Variants in CFAP70 observed in about 807,000 individuals in gnomAD.
CFAP70 encodes the protein cilia and flagella associated protein 70, also known as cilia- and flagella-associated protein 70.
In CFAP70, 81 loss-of-function variants were observed where a neutral mutation model predicts 137.6. The observed-to-expected ratio is 0.59, with a 90% confidence interval of 0.49 to 0.71. The LOEUF is 0.71. Among genes scored for constraint, CFAP70 ranks in the 30% least tolerant of loss-of-function variants. The pLI, the probability that CFAP70 is intolerant of heterozygous loss-of-function variation, is 0.00. For missense variants in CFAP70, 976 were observed against 1,226.7 expected, an observed-to-expected ratio of 0.80 and a Z score of 3.05; for synonymous variants, 382 against 423.6, an observed-to-expected ratio of 0.90 and a Z score of 1.20.
At chr10:73,257,757 G>C (rs535443535) in intron 25 of CFAP70, among the ~76,000 whole-genome samples, 3 of 152,058 alleles carry the variant, frequency 2.0e-5, no homozygotes, top group African/African-American at 7.2e-5. Flanking sequence ...GGAGGCAGAG[G>C]CCCAAATGAT....
At chr10:73,321,984 A>G (rs2050898817) in intron 9 of CFAP70, among the ~76,000 whole-genome samples, 1 of 152,114 alleles carries the variant, frequency 6.6e-6, no homozygotes, top group Non-Finnish European at 1.5e-5. Flanking sequence ...GGTTTTTGCC[A>G]TGTTGGCCAG....
At chr10:73,274,648 C>T in intron 22 of CFAP70, 54 bp from the exon 24 acceptor site, 2 of 1,434,476 alleles carry the variant, frequency 1.4e-6, no homozygotes, top group Non-Finnish European at 9.4e-7. Context: ...TTAAAAGTAC[C>T]TTGATGATCT....
intron 24 of CFAP70, among the ~76,000 whole-genome samples, chr10:73,270,121 C>A (rs1248235299): frequency 6.6e-6 from 1 of 152,006 alleles, no homozygotes; most frequent in African/African-American, 2.4e-5. Context: ...AGTTTTTTTT[C>A]TTTACATTGT....
At chr10:73,308,395 G>A (rs570019494) in intron 12 of CFAP70, among the ~76,000 whole-genome samples, 17 of 152,174 alleles carry the variant, frequency 1.1e-4, no homozygotes, top group East Asian at 9.7e-4. Flanking sequence ...TTGGGAGGCC[G>A]AAGCGGGCAG....
chr10:73,347,479 A>G (rs2053810785), intron 4 of CFAP70, among the ~76,000 whole-genome samples: 1 of 152,220 alleles, frequency 6.6e-6, no homozygotes, highest in African/African-American at 2.4e-5. Context: ...GATTTGGTGA[A>G]AGGCAGATTT....
At chr10:73,322,556 C>T (rs2050961542) in intron 9 of CFAP70, among the ~76,000 whole-genome samples, 1 of 147,210 alleles carries the variant, frequency 6.8e-6, no homozygotes, top group Admixed American at 6.7e-5. Flanking sequence ...CAAAGTGAGA[C>T]CCACATCTCT....
At chr10:73,304,847 TA>T (rs755417161) in intron 12 of CFAP70, among the ~76,000 whole-genome samples, 48 of 138,330 alleles carry the variant, frequency 3.5e-4, no homozygotes, top group Admixed American at 5.0e-4. Context: ...CAGATAAACT[TA>T]AAAAAAAAAA....
chr10:73,332,855 T>G (rs1210414515), intron 7 of CFAP70, among the ~76,000 whole-genome samples: 1 of 152,172 alleles, frequency 6.6e-6, no homozygotes, highest in Non-Finnish European at 1.5e-5. Context: ...ATATAATGGC[T>G]AGCTTCCAAA....
chr10:73,293,959 G>C (rs1275466273), intron 15 of CFAP70: 13 of 152,152 alleles, frequency 8.5e-5, no homozygotes, highest in Non-Finnish European at 1.9e-4. Flanking sequence ...TGGGAGAGCA[G>C]GTCTGGTGTA....
chr10:73,338,434 T>C (rs931630220), intron 6 of CFAP70, among the ~76,000 whole-genome samples: 34 of 137,412 alleles, frequency 2.5e-4, no homozygotes, highest in South Asian at 4.6e-4. Context: ...GTGAATCTCT[T>C]TTTTTTTTTT....
Position 73,317,858 on chromosome 10 carries a change from G to A in CFAP70, c.912+5105C>T, listed in dbSNP as rs566337352. On this transcript the variant is annotated intron_variant, in intron 9 of 26. Transcript: ENST00000310715. ...TGTTGTAGGTAGGGCCTGGTGGGAGGTGTTAGGGTCACGGGGTAGATCTCT... is the reference window on the plus strand; with the variant it reads ...TGTTGTAGGTAGGGCCTGGTGGGAGATGTTAGGGTCACGGGGTAGATCTCT... 2.0e-5 allele frequency among the ~76,000 whole-genome samples: 3 copies of A among 152,290 alleles called. No individual in the cohort carries two copies. The East Asian group carries it at 5.8e-4, about 29-fold the overall frequency.
chr10:73,312,473 C>A, exon 10 of CFAP70: 1 of 1,584,738 alleles, frequency 6.3e-7, no homozygotes, highest in South Asian at 1.2e-5. Context: ...AACAACCTAC[C>A]ACATCCCCAG....
rs185398085 is a variant in CFAP70 at position 73,345,951 on chromosome 10, G to T, written c.350-837C>A. 3.7e-3 allele frequency among the ~76,000 whole-genome samples: 557 copies of T among 151,068 alleles called. 13 individuals are homozygous for T. The highest frequency in any genetic ancestry group is 9.3e-4 in the Non-Finnish European group (63 of 67,840). The stretch of plus-strand genomic sequence containing the variant: ...GTCTCCCTCTGTCACCCAGGCTGGT[G>T]TGTAGTGGCATGATCTCGGCTCACT... On this transcript the variant is annotated intron_variant, in intron 4 of 26. Transcript: ENST00000310715.
intron 6 of CFAP70, among the ~76,000 whole-genome samples, chr10:73,336,834 C>T (rs1390043752): frequency 6.6e-6 from 1 of 151,894 alleles, no homozygotes; most frequent in Admixed American, 6.6e-5. Context: ...CCTCAGCCTC[C>T]CAAAGTGCTG....
At chr10:73,323,456 G>C (rs978016149) in intron 8 of CFAP70, among the ~76,000 whole-genome samples, 5 of 152,244 alleles carry the variant, frequency 3.3e-5, no homozygotes, top group South Asian at 2.1e-4. Context: ...CTCACTAGGG[G>C]GTGCCAGACA....
At position 73,311,858 on chromosome 10, in the gene CFAP70, AG is replaced by A. The variant is rs746943966; in HGVS notation, c.1139del (p.Pro380LeufsTer2). The A allele has an allele frequency of 1.2e-6, 2 of 1,613,802 alleles. No homozygotes were observed. Among genetic ancestry groups the A allele is most frequent in the African/African-American group, 1.3e-5 (1 of 74,918 alleles). On this transcript the variant is annotated frameshift_variant, in exon 11 of 27. Coordinates refer to ENST00000310715, the Ensembl canonical transcript of CFAP70. LOFTEE classifies it high-confidence loss of function. ...CCTGTCCTTCAGGATTGTGACTTAGAGGGGGTTCACCTTCCAAAGGAGTATC... is the reference window on the plus strand; with the variant it reads ...CCTGTCCTTCAGGATTGTGACTTAGAGGGGTTCACCTTCCAAAGGAGTATC...
chr10:73,339,414 G>A (rs566404769), intron 6 of CFAP70, among the ~76,000 whole-genome samples: 5 of 152,292 alleles, frequency 3.3e-5, no homozygotes, highest in South Asian at 2.1e-4. Context: ...CAAAGGTGAC[G>A]ACTGTCACAG....
intron 25 of CFAP70, among the ~76,000 whole-genome samples, chr10:73,264,975 T>C (rs1398788807): frequency 6.6e-6 from 1 of 152,232 alleles, no homozygotes; most frequent in African/African-American, 2.4e-5. Context: ...ACTCATGTCC[T>C]GTAGAATCTA....
At chr10:73,333,574 A>G (rs954261578) in intron 7 of CFAP70, among the ~76,000 whole-genome samples, 1 of 152,186 alleles carries the variant, frequency 6.6e-6, no homozygotes, top group Non-Finnish European at 1.5e-5. Context: ...TTCAGAAACC[A>G]TGCAAGCAAG....
Sources: allele counts gnomAD v4.1 joint callset (sites outside exome capture counted in the v4.1 genomes callset), GRCh38; gene constraint gnomAD v4.1.1; transcripts MANE v1.5; gene names NCBI Gene and HGNC (gene_info 2026-07-23, HGNC 2026-07-21).